Variants in FAM168A observed in about 807,000 individuals in gnomAD.
FAM168A encodes protein FAM168A.
A neutral mutation model predicts 28.5 loss-of-function variants in FAM168A; 3 were observed. That is an observed-to-expected ratio of 0.11 (90% CI 0.05 to 0.27). The LOEUF is 0.27. Ranked by LOEUF, FAM168A falls within the 10% of genes least tolerant of loss-of-function variation. The pLI is 1.00. For synonymous variants in FAM168A, 122 were observed against 124.2 expected (o/e 0.98, Z 0.12); for missense variants, 222 against 311.5 (o/e 0.71, Z 2.16).
intron 1 of FAM168A, among the ~76,000 whole-genome samples, chr11:73,491,091 T>C (rs1289641036): frequency 6.6e-6 from 1 of 152,208 alleles, no homozygotes; most frequent in East Asian, 1.9e-4. Flanking sequence ...GAAATTATTA[T>C]ATTTATTCCT....
At chr11:73,545,109 T>G (rs1943728773) in intron 1 of FAM168A, among the ~76,000 whole-genome samples, 1 of 141,564 alleles carries the variant, frequency 7.1e-6, no homozygotes, top group Admixed American at 7.7e-5. Context: ...CACTACAACC[T>G]CCACCTTTTG....
chr11:73,427,346 C>A (rs541542699), intron 3 of FAM168A, among the ~76,000 whole-genome samples: 1 of 149,886 alleles, frequency 6.7e-6, no homozygotes, highest in Admixed American at 6.6e-5. Context: ...TAGATGAGGG[C>A]TTACTTTTTG....
chr11:73,452,811 AAAT>A (rs754398178), intron 2 of FAM168A, among the ~76,000 whole-genome samples: 11 of 148,466 alleles, frequency 7.4e-5, no homozygotes, highest in Non-Finnish European at 1.3e-4. Flanking sequence ...TGCAAAAAAA[AAAT>A]AATAATAATA....
At chr11:73,498,075 C>T (rs1854929158) in intron 1 of FAM168A, among the ~76,000 whole-genome samples, 1 of 152,194 alleles carries the variant, frequency 6.6e-6, no homozygotes, top group Non-Finnish European at 1.5e-5. Context: ...AGCTTATGCT[C>T]TAATGAGGCC....
At chr11:73,486,136 A>G (rs1343041516) in intron 1 of FAM168A, among the ~76,000 whole-genome samples, 2 of 152,248 alleles carry the variant, frequency 1.3e-5, no homozygotes, top group Non-Finnish European at 2.9e-5. Context: ...AGTTTAGACA[A>G]GCAGTCCTGT....
chr11:73,440,426 G>A (rs1169734081), intron 2 of FAM168A, among the ~76,000 whole-genome samples: 2 of 152,108 alleles, frequency 1.3e-5, no homozygotes, highest in Admixed American at 6.6e-5. Flanking sequence ...AAGGAGGACC[G>A]CTGCTTGAGC....
intron 1 of FAM168A, among the ~76,000 whole-genome samples, chr11:73,487,084 T>C (rs900612320): frequency 2.0e-5 from 3 of 152,174 alleles, no homozygotes; most frequent in Non-Finnish European, 4.4e-5. Flanking sequence ...CCTTCTCAGC[T>C]GGGGATATTA....
chr11:73,427,593 A>G (rs1005710171), intron 3 of FAM168A, among the ~76,000 whole-genome samples: 5 of 152,148 alleles, frequency 3.3e-5, no homozygotes, highest in African/African-American at 1.2e-4. Flanking sequence ...AACTTCTCTA[A>G]GCTTTAGTTT....
intron 1 of FAM168A, among the ~76,000 whole-genome samples, chr11:73,584,918 C>T (rs1944293645): frequency 6.6e-6 from 1 of 151,878 alleles, no homozygotes; most frequent in South Asian, 2.1e-4. Flanking sequence ...CAGAGGATTG[C>T]TTGAGGCCAA....
chr11:73,546,090 T>C lies in FAM168A; in HGVS notation c.-19+51833A>G, dbSNP rs369887783. ...ACTTAAGACCTAGCTGTAGTTCTTT[T>C]TTTATAAAAGCTTCTATGGATTAAT... On this transcript the variant is annotated intron_variant, in intron 1 of 7. Coordinates refer to ENST00000356467, the MANE Select transcript of FAM168A (RefSeq NM_015159.3). 2.6e-5 allele frequency among the ~76,000 whole-genome samples: 4 copies of C among 152,340 alleles called. No homozygotes were observed. In the East Asian group the frequency reaches 7.7e-4, roughly 29 times the overall value.
At chr11:73,577,849 G>A (rs974448400) in intron 1 of FAM168A, among the ~76,000 whole-genome samples, 13 of 152,202 alleles carry the variant, frequency 8.5e-5, no homozygotes, top group African/African-American at 2.7e-4. Context: ...TTAATAGCAT[G>A]TGTAACACTG....
chr11:73,580,507 T>C (rs1053949834), intron 1 of FAM168A: 17 of 611,198 alleles, frequency 2.8e-5, no homozygotes, highest in Admixed American at 2.0e-4. Context: ...CTGAAGGTGC[T>C]GGAGATGCCA....
At chr11:73,536,691 A>AAAT (rs933844499) in intron 1 of FAM168A, among the ~76,000 whole-genome samples, 13 of 152,058 alleles carry the variant, frequency 8.5e-5, no homozygotes, top group African/African-American at 2.7e-4. Context: ...CCGTCTCAAA[A>AAAT]AATAATAATA....
intron 4 of FAM168A, among the ~76,000 whole-genome samples, chr11:73,417,031 T>G (rs1412726500): frequency 6.6e-6 from 1 of 152,176 alleles, no homozygotes; most frequent in Non-Finnish European, 1.5e-5. Flanking sequence ...ATGTGGCTGC[T>G]GGACACTTAA....
chr11:73,431,630 T>A (rs12146658), intron 2 of FAM168A, among the ~76,000 whole-genome samples: 2 of 152,096 alleles, frequency 1.3e-5, no homozygotes, highest in African/African-American at 4.8e-5. Flanking sequence ...TATGACCAAT[T>A]TGATGCTATC....
Position 73,547,162 on chromosome 11 carries a change from C to T in FAM168A, c.-19+50761G>A, listed in dbSNP as rs192588200. 1.1e-4 allele frequency among the ~76,000 whole-genome samples: 13 copies of T among 122,036 alleles called. No individual in the cohort carries two copies. The East Asian group carries it at 1.6e-3, about 15-fold the overall frequency. The allele number at this position is 122,036 out of a possible 152,430, so 80.1% of individuals were successfully genotyped here. The stretch of plus-strand genomic sequence containing the variant: ...GAGGAGGAGTAGGCAGAGGAAAAGG[C>T]GGGGGGGAGGAGGAGGAGGAGGAAG... On this transcript the variant is annotated intron_variant, in intron 1 of 7. Transcript: ENST00000356467.
chr11:73,524,259 C>G (rs1350591771), intron 1 of FAM168A, among the ~76,000 whole-genome samples: 2 of 151,480 alleles, frequency 1.3e-5, no homozygotes, highest in Non-Finnish European at 2.9e-5. Flanking sequence ...TTTTTTCATT[C>G]AGTGTATTGA....
intron 2 of FAM168A, among the ~76,000 whole-genome samples, chr11:73,437,848 T>G (rs1565244196): frequency 6.6e-6 from 1 of 152,100 alleles, no homozygotes; most frequent in Non-Finnish European, 1.5e-5. Flanking sequence ...TATCCATGAT[T>G]CCTCCTGAAT....
At chr11:73,414,795 C>A (rs1416229088) in intron 4 of FAM168A, among the ~76,000 whole-genome samples, 1 of 152,240 alleles carries the variant, frequency 6.6e-6, no homozygotes, top group Non-Finnish European at 1.5e-5. Context: ...GAGACTAAAG[C>A]TAATCTATGA....
Sources: gnomAD v4.1 joint callset for allele counts (sites outside exome capture counted in the v4.1 genomes callset) on GRCh38, gnomAD v4.1.1 for gene constraint, MANE v1.5 for transcripts, NCBI Gene and HGNC (gene_info 2026-07-23, HGNC 2026-07-21) for gene names.